Variants in IQGAP1 observed in about 807,000 individuals in gnomAD.
IQGAP1 encodes the protein IQ motif containing GTPase activating protein 1.
Under a neutral mutation model 215.6 loss-of-function variants are expected in IQGAP1, and 66 were observed. That is an observed-to-expected ratio of 0.31 (90% CI 0.25 to 0.38). IQGAP1 has a LOEUF of 0.38. IQGAP1 is among the 10% of genes least tolerant of loss of function. The pLI, the probability that IQGAP1 is intolerant of heterozygous loss-of-function variation, is 1.00. For synonymous variants in IQGAP1, 772 were observed against 728.7 expected (o/e 1.06, Z -0.96); for missense variants, 1,712 against 1,997.1 (o/e 0.86, Z 2.72).
chr15:90,446,507 G>A (rs2151021393), intron 9 of IQGAP1, among the ~76,000 whole-genome samples: 1 of 152,204 alleles, frequency 6.6e-6, no homozygotes, highest in South Asian at 2.1e-4. Context: ...GTTTGAGCAG[G>A]TTTTCAGTGT....
intron 9 of IQGAP1, among the ~76,000 whole-genome samples, chr15:90,444,985 T>A (rs910563750): frequency 3.3e-5 from 5 of 152,070 alleles, no homozygotes; most frequent in African/African-American, 1.2e-4. Flanking sequence ...TAGCTGGACG[T>A]GGTGACATGC....
rs182743607 is a variant in IQGAP1 at position 90,501,455 on chromosome 15, T to C, written c.*1347T>C. On this transcript the variant is annotated 3_prime_UTR_variant, in exon 38 of 38. Transcript: ENST00000268182. ...CATGCTGCTGAGCCTCTATTTTCTT[T>C]CTTTGATGTTTTGATTCAGTATTCT... 4.7e-4 allele frequency: 72 copies of C among 152,320 alleles called. 1 individual carries two copies. The highest frequency in any genetic ancestry group is 1.7e-3 in the African/African-American group (70 of 41,572). 9.4% of individuals were successfully genotyped at this position (152,320 alleles called of 1,614,324 possible).
intron 9 of IQGAP1, among the ~76,000 whole-genome samples, chr15:90,444,289 ATT>A (rs759649205): frequency 2.8e-4 from 33 of 117,462 alleles, no homozygotes; most frequent in Admixed American, 9.2e-4. Context: ...GTATATATAT[ATT>A]TTTTTTTTTC....
intron 19 of IQGAP1, chr15:90,473,471 G>A (rs1965933255): frequency 4.1e-6 from 2 of 490,976 alleles, no homozygotes; most frequent in South Asian, 2.2e-5. Context: ...AAATGAATCT[G>A]TATGGCTGCA....
At chr15:90,451,901 C>G (rs980010946) in intron 11 of IQGAP1, among the ~76,000 whole-genome samples, 5 of 151,612 alleles carry the variant, frequency 3.3e-5, no homozygotes, top group South Asian at 4.2e-4. Context: ...ACAATTTCAG[C>G]TCACTGCAAC....
intron 36 of IQGAP1, among the ~76,000 whole-genome samples, chr15:90,496,379 A>T (rs1016274653): frequency 2.3e-5 from 3 of 130,368 alleles, no homozygotes; most frequent in African/African-American, 8.9e-5. Flanking sequence ...TGCAGTGGTG[A>T]TAGGGTATGG....
chr15:90,453,268 A>G lies in IQGAP1; in HGVS notation c.1463A>G (p.Asn488Ser), dbSNP rs568017868. Residue 488 changes from asparagine to serine, a missense_variant, in exon 13 of 38, where the codon AAT (asparagine) becomes AGT (serine). Transcript: ENST00000268182. ...AGCAGTTCAGTTACTGGTCTTACCAATATTGAGGAAGAAAACTGTCAGAGG... is the reference window on the plus strand; with the variant it reads ...AGCAGTTCAGTTACTGGTCTTACCAGTATTGAGGAAGAAAACTGTCAGAGG... ...QLSSSVTGLT[N>S]IEEENCQRYL... 6.3e-5 allele frequency: 101 copies of G among 1,612,848 alleles called. No individual in the cohort carries two copies. In the South Asian group the frequency reaches 1.1e-3, roughly 17 times the overall value.
chr15:90,454,357 A>G, intron 13 of IQGAP1, 71 bp from the exon 14 acceptor site: 1 of 1,581,178 alleles, frequency 6.3e-7, no homozygotes, highest in Non-Finnish European at 8.7e-7. Context: ...GGGATACCCT[A>G]GCAATCTTTG....
At position 90,486,033 on chromosome 15, in the gene IQGAP1, C is replaced by T. The variant is rs753416186; in HGVS notation, c.3925C>T (p.Leu1309=). The part of the protein sequence containing the change: ...IGEIINTHTL[L]LDHQDAIAPE... Reference sequence around the variant, plus strand: ...AGTTGATCATTGGTGTTTGCAGCTCCTGTTGGATCACCAGGATGCCATTGC... The same window carrying T: ...AGTTGATCATTGGTGTTTGCAGCTCTTGTTGGATCACCAGGATGCCATTGC... The change falls in exon 31 of 38, where the codon CTG becomes TTG. Residue 1309 remains leucine (L), a synonymous_variant. Coordinates refer to ENST00000268182, the MANE Select transcript of IQGAP1 (RefSeq NM_003870.4). 1 of 1,613,234 alleles carries T rather than the reference C, an allele frequency of 6.2e-7. No individual in the cohort carries two copies. The highest frequency in any genetic ancestry group is 8.5e-7 in the Non-Finnish European group (1 of 1,179,434).
chr15:90,435,215 A>G (rs1200472336), intron 5 of IQGAP1, among the ~76,000 whole-genome samples: 1 of 152,136 alleles, frequency 6.6e-6, no homozygotes, highest in Non-Finnish European at 1.5e-5. Flanking sequence ...AGTGGCTCTC[A>G]CCTGTAATCC....
intron 33 of IQGAP1, among the ~76,000 whole-genome samples, chr15:90,489,406 G>T (rs1210114200): frequency 6.6e-6 from 1 of 152,192 alleles, no homozygotes; most frequent in Non-Finnish European, 1.5e-5. Context: ...GGGATTACAG[G>T]TGTGAGCCAC....
At position 90,466,289 on chromosome 15, in the gene IQGAP1, A is replaced by G. The variant is rs374417216; in HGVS notation, c.1888A>G (p.Ile630Val). Reference sequence around the variant, plus strand: ...AATAGTTGCCTTAGGAATCTTTGCCATTAATGAGGCAGTAGAAAGTGGTGA... The same window carrying G: ...AATAGTTGCCTTAGGAATCTTTGCCGTTAATGAGGCAGTAGAAAGTGGTGA... Reference protein sequence around the residue: ...AQKFALGIFAINEAVESGDVG... With the variant: ...AQKFALGIFAVNEAVESGDVG... Residue 630 changes from isoleucine (I) to valine (V), a missense_variant, in exon 17 of 38, where the codon ATT becomes GTT. By Grantham distance (29) the Ile-to-Val change is conservative (BLOSUM62 3). Around this residue, in one of 2 missense-constraint regions of IQGAP1, gnomAD observed 1,021 missense variants for 1,074.2 expected, o/e 0.95. Transcript: ENST00000268182. 5.0e-6 allele frequency: 8 copies of G among 1,614,076 alleles called. No homozygotes were observed. Among genetic ancestry groups the G allele is most frequent in the Non-Finnish European group, 6.8e-6 (8 of 1,180,012 alleles).
chr15:90,415,658 C>A (rs1965035334), intron 2 of IQGAP1, among the ~76,000 whole-genome samples: 1 of 152,166 alleles, frequency 6.6e-6, no homozygotes, highest in South Asian at 2.1e-4. Context: ...TTCCCACTGC[C>A]CTTCTAATCC....
chr15:90,433,137 T>C (rs1965325602), intron 4 of IQGAP1, among the ~76,000 whole-genome samples: 2 of 152,240 alleles, frequency 1.3e-5, no homozygotes, highest in African/African-American at 2.4e-5. Context: ...AGTACTTGTC[T>C]TCCAAATTCC....
intron 18 of IQGAP1, among the ~76,000 whole-genome samples, chr15:90,470,056 C>T (rs925572973): frequency 2.0e-5 from 3 of 152,180 alleles, no homozygotes; most frequent in East Asian, 1.9e-4. Context: ...CACAGAAACA[C>T]TCATGTTTGA....
chr15:90,495,627 TTTCTTC>T (rs1262784284), intron 36 of IQGAP1, among the ~76,000 whole-genome samples: 134 of 148,656 alleles, frequency 9.0e-4, no homozygotes, highest in Non-Finnish European at 1.8e-3. Flanking sequence ...TATATATTTT[TTTCTTC>T]TTCTTCTTTT....
At chr15:90,474,800 G>C in intron 23 of IQGAP1, 107 bp downstream of exon 23, 1 of 811,744 alleles carries the variant, frequency 1.2e-6, no homozygotes, top group Admixed American at 2.3e-5. Flanking sequence ...TTTCTCCTCA[G>C]CTACTGCCAT....
Position 90,441,436 on chromosome 15 carries a change from G to A in IQGAP1, c.650-70G>A, listed in dbSNP as rs879208583. 4.7e-5 allele frequency: 63 copies of A among 1,340,632 alleles called. No homozygotes were observed. The South Asian group carries it at 6.1e-4, about 13-fold the overall frequency. 83.0% of individuals were successfully genotyped at this position (1,340,632 alleles called of 1,614,324 possible). A position where few individuals can be genotyped will look rare whatever the true frequency, so the allele number is the denominator to read the frequency against. ...GGGGGGTGCAATGTTGCTTTCTGTTGTGATATACATCCTGTAATCTATATA... is the reference window on the plus strand; with the variant it reads ...GGGGGGTGCAATGTTGCTTTCTGTTATGATATACATCCTGTAATCTATATA... On this transcript the variant is annotated intron_variant, in intron 7 of 37. Coordinates refer to ENST00000268182, the MANE Select transcript of IQGAP1 (RefSeq NM_003870.4).
Position 90,474,560 on chromosome 15 carries a change from A to G in IQGAP1, c.2651A>G (p.Gln884Arg), listed in dbSNP as rs1965951498. The G allele has an allele frequency of 6.2e-7, 1 of 1,614,060 alleles. No homozygotes were observed. Among genetic ancestry groups the G allele is most frequent in the African/African-American group, 1.3e-5 (1 of 74,928 alleles). Residue 884 changes from glutamine (Q) to arginine (R), a missense_variant, in exon 23 of 38, where the codon CAG (glutamine) becomes CGG (arginine). Coordinates refer to ENST00000268182, the MANE Select transcript of IQGAP1 (RefSeq NM_003870.4). ...CTGGACCAAAGTGACCAGGATTTTC[A>G]GGAGGAGCTTGACCTTATGAAGATG... ...HLLDQSDQDF[Q>R]EELDLMKMRE...
Sources: gnomAD v4.1 joint callset for allele counts (sites outside exome capture counted in the v4.1 genomes callset) on GRCh38, gnomAD v4.1.1 for gene constraint, gnomAD v4.1.1 regional missense constraint, MANE v1.5 for transcripts, NCBI Gene and HGNC (gene_info 2026-07-23, HGNC 2026-07-21) for gene names.